OR10J1: variants seen among roughly 807,000 people sequenced by gnomAD.
OR10J1 encodes olfactory receptor 10J1.
For synonymous variants in OR10J1, 202 were observed against 143.8 expected (o/e 1.40, Z -2.89); for missense variants, 474 against 376.6 (o/e 1.26, Z -2.14).
the OR10J1 span, among the ~76,000 whole-genome samples, chr1:159,409,009 A>AT: frequency 6.6e-6 from 1 of 151,998 alleles, no homozygotes; most frequent in African/African-American, 2.4e-5. Context: ...GGTGTGTGGG[A>AT]TTTTCCAAAA....
At chr1:159,402,883 A>C in the OR10J1 span, among the ~76,000 whole-genome samples, 1 of 152,168 alleles carries the variant, frequency 6.6e-6, no homozygotes, top group Non-Finnish European at 1.5e-5. Flanking sequence ...ACAGTAACCA[A>C]AACAGCATAC....
At chr1:159,432,215 C>A in the OR10J1 span, 3 of 400,834 alleles carry the variant, frequency 7.5e-6, no homozygotes, top group Non-Finnish European at 1.3e-5. Context: ...TGCCAAGGCC[C>A]AATTTCATGG....
At chr1:159,400,238 CATT>C in the OR10J1 span, among the ~76,000 whole-genome samples, 2 of 151,928 alleles carry the variant, frequency 1.3e-5, no homozygotes, top group South Asian at 4.2e-4. Context: ...TCAACAATAA[CATT>C]GAATGCGAAT....
rs1158297122 is a variant in OR10J1, at chr1:159,440,521, C to T, written c.730C>T (p.Leu244Phe). ...KKAFATCASHLTVVIVHYSCA... is the reference protein window; with the variant it reads ...KKAFATCASHFTVVIVHYSCA... ...GGCTTTTGCCACCTGTGCATCCCACCTCACTGTGGTCATTGTCCACTACAG... is the reference window on the plus strand; with the variant it reads ...GGCTTTTGCCACCTGTGCATCCCACTTCACTGTGGTCATTGTCCACTACAG... The change falls in exon 1 of 1, where the codon CTC (leucine) becomes TTC (phenylalanine). Residue 244 changes from leucine to phenylalanine, a missense_variant. Physicochemically the swap from Leu to Phe is conservative, Grantham distance 22 (BLOSUM62 0). Transcript: ENST00000423932. 1.2e-6 allele frequency: 2 copies of T among 1,614,118 alleles called. No homozygotes were observed. Among genetic ancestry groups the T allele is most frequent in the Admixed American group, 3.3e-5 (2 of 60,006 alleles).
chr1:159,399,498 G>C, the OR10J1 span, among the ~76,000 whole-genome samples: 1 of 149,988 alleles, frequency 6.7e-6, no homozygotes, highest in African/African-American at 2.5e-5. Context: ...GTGAACCTGG[G>C]AGGTGGAGCT....
chr1:159,427,872 A>C, the OR10J1 span, among the ~76,000 whole-genome samples: 4 of 152,172 alleles, frequency 2.6e-5, no homozygotes, highest in Admixed American at 2.0e-4. Flanking sequence ...GTTTCCGTTA[A>C]AACGTATGAA....
the OR10J1 span, among the ~76,000 whole-genome samples, chr1:159,404,675 C>T: frequency 4.2e-3 from 638 of 152,184 alleles, 3 homozygotes; most frequent in African/African-American, 0.015. Context: ...CAAGAGGTGT[C>T]GGCTTCATGT....
chr1:159,402,288 G>C, the OR10J1 span, among the ~76,000 whole-genome samples: 1 of 151,988 alleles, frequency 6.6e-6, no homozygotes. Flanking sequence ...GAAATAAAGG[G>C]CATCCAAATT....
chr1:159,398,103 G>T, the OR10J1 span, among the ~76,000 whole-genome samples: 2 of 152,212 alleles, frequency 1.3e-5, no homozygotes, highest in Non-Finnish European at 2.9e-5. Context: ...AAGAATCTCT[G>T]CCTGGTAATA....
upstream of OR10J1, chr1:159,433,105 G>T: frequency 2.3e-6 from 1 of 437,850 alleles, no homozygotes; most frequent in Non-Finnish European, 4.1e-6. Context: ...AGGATGCCTT[G>T]CTCAGAGCTT....
chr1:159,410,441 C>T, the OR10J1 span, among the ~76,000 whole-genome samples: 2 of 152,108 alleles, frequency 1.3e-5, no homozygotes, highest in African/African-American at 4.8e-5. Context: ...GTGTATGCGT[C>T]AAGGAATTTA....
At chr1:159,422,807 CTT>C in the OR10J1 span, among the ~76,000 whole-genome samples, 1 of 152,084 alleles carries the variant, frequency 6.6e-6, no homozygotes, top group South Asian at 2.1e-4. Flanking sequence ...TTGTAGGAGT[CTT>C]GGGTGAAAAT....
chr1:159,402,692 T>C, the OR10J1 span, among the ~76,000 whole-genome samples: 4 of 151,934 alleles, frequency 2.6e-5, no homozygotes, highest in African/African-American at 9.7e-5. Flanking sequence ...TACCCAAAGC[T>C]GTCTACAGAT....
the OR10J1 span, among the ~76,000 whole-genome samples, chr1:159,401,359 C>T: frequency 6.6e-6 from 1 of 151,616 alleles, no homozygotes. Context: ...GTTAGCCAGA[C>T]TAACAAAGAA....
chr1:159,411,035 C>G, the OR10J1 span, among the ~76,000 whole-genome samples: 3 of 152,098 alleles, frequency 2.0e-5, no homozygotes, highest in African/African-American at 7.2e-5. Flanking sequence ...ATCCTGAGTT[C>G]TAGTTTGATT....
chr1:159,424,673 G>A, the OR10J1 span, among the ~76,000 whole-genome samples: 1 of 151,828 alleles, frequency 6.6e-6, no homozygotes, highest in Admixed American at 6.6e-5. Flanking sequence ...AGATAATTTT[G>A]AGGAAGCCTT....
chr1:159,405,509 T>G, the OR10J1 span: 2 of 277,172 alleles, frequency 7.2e-6, no homozygotes, highest in South Asian at 1.0e-4. Flanking sequence ...AAGATCTACA[T>G]GACAGAGTTC....
the OR10J1 span, among the ~76,000 whole-genome samples, chr1:159,420,871 C>G: frequency 6.6e-6 from 1 of 152,094 alleles, no homozygotes; most frequent in Admixed American, 6.6e-5. Flanking sequence ...GTACAACGTG[C>G]CATGGAGACC....
chr1:159,430,623 G>A, the OR10J1 span, among the ~76,000 whole-genome samples: 4 of 133,486 alleles, frequency 3.0e-5, no homozygotes, highest in South Asian at 8.1e-4. Context: ...AAAAAAGAAA[G>A]AAAGCAAAAA....
Sources: gnomAD v4.1 joint callset for allele counts (sites outside exome capture counted in the v4.1 genomes callset) on GRCh38, gnomAD v4.1.1 for gene constraint, MANE v1.5 for transcripts, NCBI Gene and HGNC (gene_info 2026-07-23, HGNC 2026-07-21) for gene names.